Variants in C8orf34 observed in about 807,000 individuals in gnomAD.
C8orf34 encodes chromosome 8 open reading frame 34, also known as uncharacterized protein C8orf34.
In C8orf34, 65 loss-of-function variants were observed where a neutral mutation model predicts 68.3. The ratio of observed to expected loss-of-function variants is 0.95; its 90% CI spans 0.78 to 1.17. The LOEUF (loss-of-function observed/expected upper bound fraction) is 1.17. C8orf34 is among the 50% of genes most tolerant of loss of function. The pLI, the probability that C8orf34 is intolerant of heterozygous loss-of-function variation, is 0.00. For synonymous variants in C8orf34, 244 were observed against 241.2 expected (o/e 1.01, Z -0.11); for missense variants, 664 against 655.4 (o/e 1.01, Z -0.14).
intron 2 of C8orf34, among the ~76,000 whole-genome samples, chr8:68,445,431 G>A (rs1310274926): frequency 1.3e-5 from 2 of 152,128 alleles, no homozygotes; most frequent in Non-Finnish European, 2.9e-5. Flanking sequence ...AGGTGATATG[G>A]GGATGAGGAA....
At chr8:68,522,411 GAA>G (rs1240337288) in intron 6 of C8orf34, among the ~76,000 whole-genome samples, 5 of 152,150 alleles carry the variant, frequency 3.3e-5, no homozygotes, top group African/African-American at 1.2e-4. Flanking sequence ...TGACCATAAA[GAA>G]AGAGAAGCCT....
chr8:68,613,787 T>C (rs201419078), intron 7 of C8orf34, among the ~76,000 whole-genome samples: 45 of 151,664 alleles, frequency 3.0e-4, no homozygotes, highest in African/African-American at 9.9e-4. Context: ...TGATTTATAG[T>C]CTTTTGGGTA....
In C8orf34 at chr8:68,446,375, G is replaced by C; in HGVS notation, c.522G>C (p.Trp174Cys). The C allele has an allele frequency of 6.2e-7, 1 of 1,611,690 alleles. No homozygotes were observed. Among genetic ancestry groups the C allele is most frequent in the Non-Finnish European group, 8.5e-7 (1 of 1,179,166 alleles). Reference protein sequence around the residue: ...RRDFRSYDKPWQLNAKKPKKS... With the variant: ...RRDFRSYDKPCQLNAKKPKKS... ...ATTTCAGAAGCTATGATAAACCTTG[G>C]CAATTAAATGCAAAGAAGCCTAAAA... Residue 174 changes from tryptophan (W) to cysteine (C), a missense_variant, in exon 3 of 14, where the codon TGG (tryptophan) becomes TGC (cysteine). By Grantham distance (215) the Trp-to-Cys change is radical (BLOSUM62 -2). Coordinates refer to ENST00000518698, the MANE Select transcript of C8orf34 (RefSeq NM_052958.4).
At chr8:68,595,419 A>G (rs1225291302) in intron 7 of C8orf34, among the ~76,000 whole-genome samples, 1 of 152,106 alleles carries the variant, frequency 6.6e-6, no homozygotes, top group East Asian at 1.9e-4. Flanking sequence ...ATATGTAAAT[A>G]TTGTTGCTAT....
At chr8:68,420,865 C>A (rs1187238142) in intron 1 of C8orf34, among the ~76,000 whole-genome samples, 1 of 137,474 alleles carries the variant, frequency 7.3e-6, no homozygotes. Context: ...CAGATAGAAA[C>A]AAAATCATGG....
chr8:68,638,314 T>C, intron 7 of C8orf34, among the ~76,000 whole-genome samples: 1 of 142,600 alleles, frequency 7.0e-6, no homozygotes, highest in East Asian at 2.0e-4. Context: ...GAACTTTTTT[T>C]TTTCTTTTTT....
intron 10 of C8orf34, among the ~76,000 whole-genome samples, chr8:68,735,113 G>A (rs1448416466): frequency 6.6e-6 from 1 of 152,204 alleles, no homozygotes; most frequent in Non-Finnish European, 1.5e-5. Context: ...GTGTAGGTAT[G>A]ATTGGAACCT....
At chr8:68,524,581 G>A (rs1021999843) in intron 6 of C8orf34, among the ~76,000 whole-genome samples, 7 of 152,156 alleles carry the variant, frequency 4.6e-5, no homozygotes, top group Non-Finnish European at 1.0e-4. Flanking sequence ...GGAATTCACC[G>A]AACAGAGAGG....
chr8:68,525,694 A>G, intron 6 of C8orf34: 1 of 660,914 alleles, frequency 1.5e-6, no homozygotes. Flanking sequence ...TGATCACTCC[A>G]TATTTGTTTA....
Position 68,721,372 on chromosome 8 carries a change from G to A in C8orf34, c.1339G>A (p.Gly447Arg). ...AAAAATAAAAATAGATTCCTTGCCT[G>A]GGACTGAAGAAGCACTAATGGAGGA... ...KIPDSFDSLP[G>R]TEEALMEEGD... Residue 447 changes from glycine to arginine, a missense_variant, in exon 10 of 14, where the codon GGG becomes AGG. Coordinates refer to ENST00000518698, the MANE Select transcript of C8orf34 (RefSeq NM_052958.4). 6.2e-7 allele frequency: 1 copy of A among 1,605,434 alleles called. No individual in the cohort carries two copies. The highest frequency in any genetic ancestry group is 8.5e-7 in the Non-Finnish European group (1 of 1,173,918).
rs535146237 is a variant in C8orf34 at position 68,427,936 on chromosome 8, CTTA to C, written c.328-11558_328-11556del. On this transcript the variant is annotated intron_variant, in intron 1 of 13. Coordinates refer to ENST00000518698, the MANE Select transcript of C8orf34 (RefSeq NM_052958.4). ...ACAAAATAAGAAAGATTATTTCATC[CTTA>C]TTATATATAATATATAATATATAAA... Among the ~76,000 whole-genome samples the C allele has an allele frequency of 7.5e-5, 11 of 147,454 alleles. No homozygotes were observed. In the South Asian group the frequency reaches 8.4e-4, roughly 11 times the overall value.
chr8:68,713,032 T>C (rs963961486), intron 9 of C8orf34, among the ~76,000 whole-genome samples: 3 of 152,070 alleles, frequency 2.0e-5, no homozygotes, highest in Non-Finnish European at 4.4e-5. Flanking sequence ...CACAAAACCA[T>C]GCAAATACAT....
rs1403391934 is a variant in C8orf34, at chr8:68,633,160, T to C, written c.1106-7216T>C. On this transcript the variant is annotated intron_variant, in intron 7 of 13. Coordinates refer to ENST00000518698, the MANE Select transcript of C8orf34 (RefSeq NM_052958.4). ...AGTGTTTCTACCTCTTTTCTACCTG[T>C]TAAATCTTCTAGTTACTGCAGCTGC... 2.6e-5 allele frequency among the ~76,000 whole-genome samples: 4 copies of C among 152,182 alleles called. No homozygotes were observed. The East Asian group carries it at 5.8e-4, about 22-fold the overall frequency.
At chr8:68,497,833 G>T (rs1415953186) in intron 5 of C8orf34, among the ~76,000 whole-genome samples, 2 of 151,840 alleles carry the variant, frequency 1.3e-5, no homozygotes, top group African/African-American at 2.4e-5. Flanking sequence ...TCTATTTTTG[G>T]GGGGAGATGG....
intron 8 of C8orf34, among the ~76,000 whole-genome samples, chr8:68,694,060 TAA>T (rs1372266593): frequency 7.2e-5 from 11 of 152,084 alleles, no homozygotes; most frequent in African/African-American, 2.7e-4. Context: ...CCGAAAAATA[TAA>T]CTTTTATAAG....
chr8:68,411,942 T>G (rs553611479), intron 1 of C8orf34, among the ~76,000 whole-genome samples: 62 of 152,304 alleles, frequency 4.1e-4, no homozygotes, highest in African/African-American at 1.5e-3. Flanking sequence ...TGGGAGGTGA[T>G]TAAGTCATGA....
intron 8 of C8orf34, among the ~76,000 whole-genome samples, chr8:68,708,721 A>C (rs1821245479): frequency 6.6e-6 from 1 of 152,160 alleles, no homozygotes; most frequent in African/African-American, 2.4e-5. Flanking sequence ...CGTGCTTCTA[A>C]ACCTTTCTAC....
At chr8:68,740,273 G>C (rs1822243711) in intron 10 of C8orf34, among the ~76,000 whole-genome samples, 1 of 152,120 alleles carries the variant, frequency 6.6e-6, no homozygotes, top group Admixed American at 6.6e-5. Context: ...TTAAAGTAAA[G>C]AGCTTCTGCA....
intron 1 of C8orf34, among the ~76,000 whole-genome samples, chr8:68,416,868 A>G (rs1417329112): frequency 6.6e-6 from 1 of 152,120 alleles, no homozygotes; most frequent in Non-Finnish European, 1.5e-5. Flanking sequence ...TATTATCTGT[A>G]AATATTTATT....
Sources: gnomAD v4.1 joint callset for allele counts (sites outside exome capture counted in the v4.1 genomes callset) on GRCh38, gnomAD v4.1.1 for gene constraint, MANE v1.5 for transcripts, NCBI Gene and HGNC (gene_info 2026-07-23, HGNC 2026-07-21) for gene names.